Variants in NPS observed in about 807,000 individuals in gnomAD.
The protein encoded by NPS is prepro-neuropeptide S.
Under a neutral mutation model 7.2 loss-of-function variants are expected in NPS, and 6 were observed. The observed-to-expected ratio is 0.83, with a 90% CI of 0.46 to 1.64. The LOEUF is 1.64. NPS is among the 40% of genes most tolerant of loss of function. NPS has a pLI of 0.01. For synonymous variants in NPS, 42 were observed against 36.7 expected (o/e 1.14, Z -0.52); for missense variants, 123 against 97.8 (o/e 1.26, Z -1.09).
intron 2 of NPS, 148 bp downstream of exon 2, chr10:127,549,718 G>T: frequency 1.7e-6 from 1 of 604,114 alleles, no homozygotes; most frequent in African/African-American, 1.9e-5. Flanking sequence ...GCAGATTGAT[G>T]ACATTAGTAA....
At chr10:127,549,772 T>G (rs929668307) in intron 2 of NPS, among the ~76,000 whole-genome samples, 1 of 152,230 alleles carries the variant, frequency 6.6e-6, no homozygotes, top group Non-Finnish European at 1.5e-5. Flanking sequence ...TATATTCAAA[T>G]TTGTTTTGAA....
chr10:127,549,617 G>T, intron 2 of NPS, 47 bp downstream of exon 2: 1 of 1,045,300 alleles, frequency 9.6e-7, no homozygotes. Flanking sequence ...TGACTAGAAT[G>T]GTAAATTATG....
In NPS at chr10:127,552,703, C is replaced by A. The variant is rs1281450980; in HGVS notation, c.*64C>A. The A allele has an allele frequency of 3.8e-6, 4 of 1,058,930 alleles. No individual in the cohort carries two copies. Among genetic ancestry groups the A allele is most frequent in the Non-Finnish European group, 5.8e-6 (4 of 693,644 alleles). 65.6% of individuals were successfully genotyped at this position (1,058,930 alleles called of 1,614,324 possible). ...AGAGTGTGACTGACGTACTCAAAGT[C>A]CATCGTCTCTTTATCATTGAGTGTT... is the stretch of plus-strand genomic sequence containing the variant. On this transcript the variant is annotated 3_prime_UTR_variant, in exon 3 of 3. Transcript: ENST00000398023.
intron 2 of NPS, 51 bp downstream of exon 2, chr10:127,549,621 A>T (rs1332698790): frequency 2.0e-6 from 2 of 1,014,604 alleles, no homozygotes; most frequent in African/African-American, 3.2e-5. Flanking sequence ...TAGAATGGTA[A>T]ATTATGTAAA....
chr10:127,549,420 A>G (rs780947190), intron 1 of NPS, 44 bp downstream of exon 1: 6 of 1,598,994 alleles, frequency 3.8e-6, no homozygotes, highest in South Asian at 3.3e-5. Flanking sequence ...TTGCATTTTC[A>G]TATGCTGTTT....
At chr10:127,550,633 T>G (rs551908474) in intron 2 of NPS, among the ~76,000 whole-genome samples, 1 of 152,358 alleles carries the variant, frequency 6.6e-6, no homozygotes, top group Admixed American at 6.5e-5. Flanking sequence ...ATTAAGAATG[T>G]ACTTTGTTCT....
In NPS at chr10:127,551,556, C is replaced by G. The variant is rs190485895; in HGVS notation, c.91-904C>G. ...GAAACCTAAACTTAGAGTCAGATGC[C>G]TTGAAAATAATAGTATCTACTTCAC... is the stretch of plus-strand genomic sequence containing the variant. On this transcript the variant is annotated intron_variant, in intron 2 of 2. Coordinates refer to ENST00000398023, the MANE Select transcript of NPS (RefSeq NM_001030013.2). Among the ~76,000 whole-genome samples, 251 of 152,208 alleles carry G rather than the reference C, an allele frequency of 1.6e-3. 3 individuals carry two copies. The highest frequency in any genetic ancestry group is 5.9e-3 in the African/African-American group (243 of 41,516).
In NPS at chr10:127,553,164, C is replaced by T. The variant is rs551198098; in HGVS notation, c.*525C>T. ...GTATCAATTGATTAATTAATTGATA[C>T]CAAGAACAAACATCCCTGGAGCACT... On this transcript the variant is annotated 3_prime_UTR_variant, in exon 3 of 3. Transcript: ENST00000398023. Among the ~76,000 whole-genome samples the T allele has an allele frequency of 6.6e-6, 1 of 152,122 alleles. No individual in the cohort carries two copies. Among genetic ancestry groups the T allele is most frequent in the Non-Finnish European group, 1.5e-5 (1 of 67,986 alleles).
In NPS at chr10:127,549,587, G is replaced by A. The variant is rs372413504; in HGVS notation, c.90+17G>A. On this transcript the variant is annotated intron_variant, in intron 2 of 2. Coordinates refer to ENST00000398023, the MANE Select transcript of NPS (RefSeq NM_001030013.2). ...TCTTCTAAGGTAAGGATTTGCCTCCGTTGTGGATATTTAAATAGATGACTA... is the reference window on the plus strand; with the variant it reads ...TCTTCTAAGGTAAGGATTTGCCTCCATTGTGGATATTTAAATAGATGACTA... The A allele has an allele frequency of 9.5e-5, 136 of 1,424,928 alleles. No individual in the cohort carries two copies. Among genetic ancestry groups the A allele is most frequent in the East Asian group, 5.2e-4 (23 of 43,974 alleles). 88.3% of individuals were successfully genotyped at this position (1,424,928 alleles called of 1,614,324 possible). A position where few individuals can be genotyped will look rare whatever the true frequency, so the allele number is the denominator to read the frequency against.
Position 127,553,372 on chromosome 10 carries a change from C to T in NPS, c.*733C>T, listed in dbSNP as rs140305455. On this transcript the variant is annotated 3_prime_UTR_variant, in exon 3 of 3. Coordinates refer to ENST00000398023, the MANE Select transcript of NPS (RefSeq NM_001030013.2). ...TGTTGTCAGGGCAGCCATTTGGAAA[C>T]CTGTTCCCCAAACTATGCTGATTAA... 1.3e-5 allele frequency among the ~76,000 whole-genome samples: 2 copies of T among 152,262 alleles called. No homozygotes were observed. Among genetic ancestry groups the T allele is most frequent in the East Asian group, 3.9e-4 (2 of 5,188 alleles).
At position 127,549,493 on chromosome 10, in the gene NPS, G is replaced by T. The variant is rs765654569; in HGVS notation, c.13G>T (p.Val5Leu). MISSVKLNLILVLSL... is the reference protein window; with the variant it reads MISSLKLNLILVLSL... ...TACTTTTTTTCTACTTTGCAGCTCA[G>T]TAAAACTCAATCTCATCCTAGTTCT... The change falls in exon 2 of 3, where the codon GTA (valine) becomes TTA (leucine). Residue 5 changes from valine (V) to leucine (L), a missense_variant. Coordinates refer to ENST00000398023, the MANE Select transcript of NPS (RefSeq NM_001030013.2). 1 of 1,610,760 alleles carries T rather than the reference G, an allele frequency of 6.2e-7. No homozygotes were observed. Among genetic ancestry groups the T allele is most frequent in the South Asian group, 1.1e-5 (1 of 91,012 alleles).
intron 2 of NPS, among the ~76,000 whole-genome samples, chr10:127,551,934 A>C (rs1054889516): frequency 2.6e-5 from 4 of 152,150 alleles, no homozygotes; most frequent in African/African-American, 7.2e-5. Flanking sequence ...TAAGCACCCT[A>C]CACTCTCCTA....
intron 2 of NPS, among the ~76,000 whole-genome samples, chr10:127,549,797 C>CAT (rs1844841630): frequency 6.6e-6 from 1 of 152,162 alleles, no homozygotes; most frequent in Non-Finnish European, 1.5e-5. Context: ...TTAGGGTTGG[C>CAT]TCCTGCAAAG....
In NPS at chr10:127,552,579, C is replaced by T; in HGVS notation, c.210C>T (p.Ser70=). ...TGGAGAAGATGTTTGTGAAAAGGTC[C>T]TTTCGCAATGGAGTTGGCACAGGGA... ...PILEKMFVKR[S]FRNGVGTGMK... is the part of the protein sequence containing the mutation. Residue 70 remains serine, a synonymous_variant, in exon 3 of 3, where the codon TCC becomes TCT. Transcript: ENST00000398023. The T allele has an allele frequency of 6.2e-7, 1 of 1,613,584 alleles. No homozygotes were observed. Among genetic ancestry groups the T allele is most frequent in the Non-Finnish European group, 8.5e-7 (1 of 1,179,542 alleles).
In NPS at chr10:127,553,383, A is replaced by G. The variant is rs1042133726; in HGVS notation, c.*744A>G. Reference sequence around the variant, plus strand: ...CAGCCATTTGGAAACCTGTTCCCCAAACTATGCTGATTAATGCCCTCTCCT... The same window carrying G: ...CAGCCATTTGGAAACCTGTTCCCCAGACTATGCTGATTAATGCCCTCTCCT... On this transcript the variant is annotated 3_prime_UTR_variant, in exon 3 of 3. Coordinates refer to ENST00000398023, the MANE Select transcript of NPS (RefSeq NM_001030013.2). 6.6e-6 allele frequency among the ~76,000 whole-genome samples: 1 copy of G among 152,156 alleles called. No homozygotes were observed. Among genetic ancestry groups the G allele is most frequent in the African/African-American group, 2.4e-5 (1 of 41,432 alleles).
intron 2 of NPS, among the ~76,000 whole-genome samples, chr10:127,549,935 T>A (rs1475410450): frequency 6.6e-6 from 1 of 152,198 alleles, no homozygotes; most frequent in Non-Finnish European, 1.5e-5. Flanking sequence ...GTGGTCATTT[T>A]TCAAAAACAG....
Position 127,553,206 on chromosome 10 carries a change from T to C in NPS, c.*567T>C, listed in dbSNP as rs143129205. Among the ~76,000 whole-genome samples, 1,490 of 152,290 alleles carry C rather than the reference T, an allele frequency of 9.8e-3. 68 individuals carry two copies. The highest frequency in any genetic ancestry group is 0.085 in the Admixed American group (1,306 of 15,292). ...TGGAGCACTCTAGATGTAATTCTTG[T>C]CTCCCTTTTCCTATTCCAAATATAC... On this transcript the variant is annotated 3_prime_UTR_variant, in exon 3 of 3. Transcript: ENST00000398023.
At chr10:127,550,659 C>T (rs553022818) in intron 2 of NPS, among the ~76,000 whole-genome samples, 1 of 152,168 alleles carries the variant, frequency 6.6e-6, no homozygotes, top group African/African-American at 2.4e-5. Flanking sequence ...ACTTATGAGA[C>T]TTCCTTGTCC....
In NPS at chr10:127,549,562, T is replaced by C. The variant is rs769910288; in HGVS notation, c.82T>C (p.Ser28Pro). ...TGTGTTTTGGTGTTATCCAGTTCCA[T>C]CTTCTAAGGTAAGGATTTGCCTCCG... ...MHVFWCYPVPSSKVSGKSDYF... is the reference protein window; with the variant it reads ...MHVFWCYPVPPSKVSGKSDYF... Residue 28 changes from serine (S) to proline (P), a missense_variant, in exon 2 of 3, where the codon TCT (serine) becomes CCT (proline). Coordinates refer to ENST00000398023, the MANE Select transcript of NPS (RefSeq NM_001030013.2). 2 of 1,592,024 alleles carry C rather than the reference T, an allele frequency of 1.3e-6. No homozygotes were observed. Among genetic ancestry groups the C allele is most frequent in the Non-Finnish European group, 1.7e-6 (2 of 1,160,198 alleles).
Sources: allele counts gnomAD v4.1 joint callset (sites outside exome capture counted in the v4.1 genomes callset), GRCh38; gene constraint gnomAD v4.1.1; transcripts MANE v1.5; gene names NCBI Gene and HGNC (gene_info 2026-07-23, HGNC 2026-07-21).